The following AMPH variants were observed in gnomAD, a reference collection of about 807,000 sequenced individuals.
AMPH encodes amphiphysin, also known as amphiphysin (Stiff-Mann syndrome with breast cancer 128kD autoantigen).
In AMPH, 49 loss-of-function variants were observed where a neutral mutation model predicts 99.1. The observed-to-expected ratio is 0.49, with a 90% confidence interval of 0.39 to 0.63. The LOEUF is 0.63. Among genes scored for constraint, AMPH ranks in the 20% least tolerant of loss-of-function variants. AMPH has a pLI of 0.00. For synonymous variants in AMPH, 314 were observed against 317.3 expected, an observed-to-expected ratio of 0.99 and a Z score of 0.11; for missense variants, 759 against 863.4, an observed-to-expected ratio of 0.88 and a Z score of 1.52.
At chr7:38,472,485 T>C (rs960331583) in intron 7 of AMPH, among the ~76,000 whole-genome samples, 1 of 152,190 alleles carries the variant, frequency 6.6e-6, no homozygotes, top group Admixed American at 6.5e-5. Context: ...ATATGATCTT[T>C]AGCTTCTCAT....
chr7:38,502,399 T>C (rs1789170581), intron 3 of AMPH, among the ~76,000 whole-genome samples: 1 of 152,114 alleles, frequency 6.6e-6, no homozygotes, highest in Admixed American at 6.5e-5. Context: ...TAGATGCACC[T>C]GAATATGTGC....
chr7:38,537,017 A>C (rs909492828), intron 1 of AMPH, among the ~76,000 whole-genome samples: 2 of 152,208 alleles, frequency 1.3e-5, no homozygotes, highest in Non-Finnish European at 1.5e-5. Context: ...TATTTTCCAC[A>C]GTTTTCTCAA....
intron 20 of AMPH, among the ~76,000 whole-genome samples, chr7:38,388,663 G>A (rs1383361537): frequency 4.0e-5 from 6 of 148,402 alleles, no homozygotes; most frequent in Admixed American, 1.3e-4. Flanking sequence ...TTTTTGAGAC[G>A]GGGTCTTGCT....
At chr7:38,598,248 T>G (rs1469465736) in intron 1 of AMPH, among the ~76,000 whole-genome samples, 3 of 152,078 alleles carry the variant, frequency 2.0e-5, no homozygotes, top group Non-Finnish European at 1.5e-5. Context: ...GTTCGCAATG[T>G]TTTTTGTTGT....
At chr7:38,492,479 C>A (rs73120296) in intron 4 of AMPH, among the ~76,000 whole-genome samples, 24,914 of 152,124 alleles carry the variant, frequency 0.16, 4,006 homozygotes, top group African/African-American at 0.41. Context: ...CTTGTTAAAA[C>A]ACACACACAC....
chr7:38,541,593 C>T (rs1225335192), intron 1 of AMPH, among the ~76,000 whole-genome samples: 1 of 152,194 alleles, frequency 6.6e-6, no homozygotes, highest in African/African-American at 2.4e-5. Flanking sequence ...GCCATCACGT[C>T]ATCAAAGCCT....
intron 5 of AMPH, among the ~76,000 whole-genome samples, chr7:38,477,355 GT>G (rs750607579): frequency 7.2e-5 from 11 of 152,104 alleles, no homozygotes; most frequent in Non-Finnish European, 1.2e-4. Flanking sequence ...GTTAGATTTG[GT>G]TTTATAATTC....
chr7:38,407,699 CAT>C (rs921727577), intron 17 of AMPH, among the ~76,000 whole-genome samples: 1 of 151,862 alleles, frequency 6.6e-6, no homozygotes, highest in African/African-American at 2.4e-5. Flanking sequence ...AGAATAAAGA[CAT>C]ATATATTTTA....
chr7:38,495,947 CA>C (rs1788916193), intron 3 of AMPH, among the ~76,000 whole-genome samples: 1 of 152,094 alleles, frequency 6.6e-6, no homozygotes, highest in Non-Finnish European at 1.5e-5. Context: ...TGGCTGAGAG[CA>C]AAACAAGGGG....
intron 1 of AMPH, among the ~76,000 whole-genome samples, chr7:38,571,428 AATATTT>A (rs1302176128): frequency 7.6e-5 from 3 of 39,450 alleles, no homozygotes; most frequent in African/African-American, 2.0e-4. Flanking sequence ...TTATATATAG[AATATTT>A]ATATAGAATA....
intron 3 of AMPH, among the ~76,000 whole-genome samples, chr7:38,502,219 T>C (rs1789163827): frequency 6.6e-6 from 1 of 152,220 alleles, no homozygotes; most frequent in Non-Finnish European, 1.5e-5. Context: ...TGGAGAGATT[T>C]ATGGGTTTCT....
At chr7:38,496,286 C>T (rs771053474) in intron 3 of AMPH, among the ~76,000 whole-genome samples, 56 of 152,164 alleles carry the variant, frequency 3.7e-4, no homozygotes, top group Non-Finnish European at 7.2e-4. Flanking sequence ...GACAGAAGTA[C>T]ATCCTTGAGG....
intron 1 of AMPH, among the ~76,000 whole-genome samples, chr7:38,619,002 A>G (rs139072247): frequency 5.6e-4 from 85 of 152,304 alleles, no homozygotes; most frequent in African/African-American, 2.0e-3. Context: ...ATTCAAAGAC[A>G]CAAATAAGTT....
At chr7:38,494,205 C>T (rs1423884758) in intron 4 of AMPH, among the ~76,000 whole-genome samples, 6 of 152,170 alleles carry the variant, frequency 3.9e-5, no homozygotes, top group East Asian at 1.9e-4. Flanking sequence ...GCAATTCACC[C>T]GCCTCGTCCT....
intron 1 of AMPH, among the ~76,000 whole-genome samples, chr7:38,584,181 T>C (rs1584273071): frequency 6.6e-6 from 1 of 152,370 alleles, no homozygotes; most frequent in East Asian, 1.9e-4. Flanking sequence ...CATTTCAGGC[T>C]ACTGGGAGCA....
intron 17 of AMPH, among the ~76,000 whole-genome samples, chr7:38,417,309 T>TAC (rs386409943): frequency 2.9e-5 from 4 of 136,076 alleles, no homozygotes; most frequent in African/African-American, 8.6e-5. Context: ...TCCGTATTAT[T>TAC]ATGAGTCATC....
chr7:38,550,417 C>T (rs1209423707), intron 1 of AMPH, among the ~76,000 whole-genome samples: 1 of 152,196 alleles, frequency 6.6e-6, no homozygotes, highest in Non-Finnish European at 1.5e-5. Context: ...TTATTCTGGG[C>T]ATTTGATGTT....
intron 2 of AMPH, among the ~76,000 whole-genome samples, chr7:38,506,190 T>C (rs953065850): frequency 6.6e-6 from 1 of 152,196 alleles, no homozygotes; most frequent in Non-Finnish European, 1.5e-5. Context: ...GCCACTGAGA[T>C]GTTGCTACCA....
intron 2 of AMPH, among the ~76,000 whole-genome samples, chr7:38,509,147 C>T (rs1789445435): frequency 6.6e-6 from 1 of 152,160 alleles, no homozygotes; most frequent in Admixed American, 6.5e-5. Flanking sequence ...CCAGCACTGA[C>T]TTCATAAAAC....
Sources: gnomAD v4.1 joint callset for allele counts (sites outside exome capture counted in the v4.1 genomes callset) on GRCh38, gnomAD v4.1.1 for gene constraint, MANE v1.5 for transcripts, NCBI Gene and HGNC (gene_info 2026-07-23, HGNC 2026-07-21) for gene names.